Variants in LUC7L2 observed in about 807,000 individuals in gnomAD.
LUC7L2 encodes the protein putative RNA-binding protein Luc7-like 2.
In LUC7L2, 25 loss-of-function variants were observed where a neutral mutation model predicts 52.8. That is an observed-to-expected ratio of 0.47 (90% CI 0.34 to 0.66). The LOEUF (loss-of-function observed/expected upper bound fraction) is 0.66. LUC7L2 is among the 30% of genes least tolerant of loss of function. The pLI is 0.01. For synonymous variants in LUC7L2, 144 were observed against 160.9 expected (o/e 0.89, Z 0.80); for missense variants, 328 against 497.8 (o/e 0.66, Z 3.25).
Position 139,422,415 on chromosome 7 carries a change from G to A in LUC7L2, c.*75G>A. ...CTATTGTTTAGTTCACAGCTGTTCA[G>A]GGTGACAGTGAGCAGATCCAGACAC... is the stretch of plus-strand genomic sequence containing the variant. On this transcript the variant is annotated 3_prime_UTR_variant, in exon 10 of 10. Coordinates refer to ENST00000354926, the MANE Select transcript of LUC7L2 (RefSeq NM_016019.5). The A allele has an allele frequency of 6.6e-7, 1 of 1,520,006 alleles. No homozygotes were observed. Among genetic ancestry groups the A allele is most frequent in the Non-Finnish European group, 8.8e-7 (1 of 1,136,096 alleles). 94.2% of individuals were successfully genotyped at this position (1,520,006 alleles called of 1,614,324 possible). A position where few individuals can be genotyped will look rare whatever the true frequency, so the allele number is the denominator to read the frequency against.
chr7:139,350,145 G>A (rs1014008532), intron 1 of LUC7L2, among the ~76,000 whole-genome samples: 2 of 151,276 alleles, frequency 1.3e-5, no homozygotes, highest in Non-Finnish European at 2.9e-5. Context: ...TTTTTGAGAC[G>A]GAGTCTCGCT....
At chr7:139,359,662 C>T (rs953607023), upstream of LUC7L2, 3 of 397,664 alleles carry the variant, frequency 7.5e-6, no homozygotes, top group South Asian at 1.4e-4. Context: ...GCCCTACAGC[C>T]GGGAGGGAAT....
intron 1 of LUC7L2, among the ~76,000 whole-genome samples, chr7:139,361,647 T>C (rs1162663294): frequency 6.6e-6 from 1 of 152,238 alleles, no homozygotes; most frequent in Non-Finnish European, 1.5e-5. Context: ...GAGTTTTGTA[T>C]GGAAAGTTAA....
chr7:139,377,496 C>T (rs977975368), intron 2 of LUC7L2, among the ~76,000 whole-genome samples: 5 of 152,110 alleles, frequency 3.3e-5, no homozygotes, highest in South Asian at 2.1e-4. Context: ...TGGGTTCAAG[C>T]GATTCTCCTG....
chr7:139,369,256 G>A (rs867922365), intron 1 of LUC7L2, among the ~76,000 whole-genome samples: 1 of 152,176 alleles, frequency 6.6e-6, no homozygotes, highest in African/African-American at 2.4e-5. Flanking sequence ...CTGCAAGTAA[G>A]TATCAAAATA....
intron 1 of LUC7L2, chr7:139,341,394 T>G (rs776320891): frequency 6.2e-7 from 1 of 1,612,950 alleles, no homozygotes; most frequent in Admixed American, 1.7e-5. Flanking sequence ...AATGGCGGCC[T>G]TAGGGTCCCC....
intron 2 of LUC7L2, among the ~76,000 whole-genome samples, chr7:139,393,462 T>C (rs1258750867): frequency 6.6e-6 from 1 of 151,898 alleles, no homozygotes; most frequent in Non-Finnish European, 1.5e-5. Flanking sequence ...TAAATAATCA[T>C]ATATTTTGTG....
At chr7:139,380,031 T>G (rs963339352) in intron 2 of LUC7L2, among the ~76,000 whole-genome samples, 1 of 150,744 alleles carries the variant, frequency 6.6e-6, no homozygotes. Flanking sequence ...TACAAAAAAT[T>G]AGCCGGGCGT....
chr7:139,350,215 G>A (rs896556512), intron 1 of LUC7L2, among the ~76,000 whole-genome samples: 1 of 151,980 alleles, frequency 6.6e-6, no homozygotes, highest in Non-Finnish European at 1.5e-5. Context: ...TCCGCCTCCC[G>A]GGTTCACGCC....
chr7:139,415,028 A>G (rs554358893), intron 8 of LUC7L2, among the ~76,000 whole-genome samples: 1 of 143,154 alleles, frequency 7.0e-6, no homozygotes, highest in African/African-American at 2.5e-5. Context: ...CTAGGATTAT[A>G]GGCACGTGCC....
intron 1 of LUC7L2, among the ~76,000 whole-genome samples, chr7:139,372,805 A>G (rs149323961): frequency 1.2e-3 from 177 of 152,222 alleles, no homozygotes; most frequent in African/African-American, 4.1e-3. Context: ...AAAAAAATTA[A>G]TATGTCCTAT....
chr7:139,411,256 A>T (rs1388012671), intron 7 of LUC7L2, among the ~76,000 whole-genome samples: 3 of 152,064 alleles, frequency 2.0e-5, no homozygotes, highest in African/African-American at 7.2e-5. Context: ...CAGAAACATT[A>T]AAAAAAAGTC....
At chr7:139,413,427 CTA>C (rs1386164432) in intron 8 of LUC7L2, among the ~76,000 whole-genome samples, 3 of 152,118 alleles carry the variant, frequency 2.0e-5, no homozygotes, top group Non-Finnish European at 2.9e-5. Context: ...GTTCTCAGCT[CTA>C]GAGACTATTT....
upstream of LUC7L2, chr7:139,359,858 C>T (rs1012977899): frequency 4.9e-6 from 2 of 410,100 alleles, no homozygotes; most frequent in Non-Finnish European, 8.6e-6. Flanking sequence ...TTGGTGGAGC[C>T]CCCGCGGGAA....
chr7:139,406,593 A>G (rs1490381274), intron 5 of LUC7L2, among the ~76,000 whole-genome samples: 1 of 152,004 alleles, frequency 6.6e-6, no homozygotes, highest in East Asian at 1.9e-4. Flanking sequence ...ACCTGGGGTG[A>G]TCTGTCCACC....
upstream of LUC7L2, chr7:139,359,625 C>T: frequency 2.5e-6 from 1 of 396,878 alleles, no homozygotes; most frequent in Non-Finnish European, 4.4e-6. Flanking sequence ...ATCGCCATCA[C>T]CGCGGGCAGC....
chr7:139,411,760 T>G (rs1795370340), intron 7 of LUC7L2, among the ~76,000 whole-genome samples: 1 of 152,184 alleles, frequency 6.6e-6, no homozygotes, highest in Admixed American at 6.5e-5. Flanking sequence ...AGAAACACAT[T>G]GTAAGATTGA....
intron 1 of LUC7L2, among the ~76,000 whole-genome samples, chr7:139,347,222 G>A (rs549830672): frequency 6.6e-6 from 1 of 152,260 alleles, no homozygotes; most frequent in East Asian, 1.9e-4. Context: ...CTTACACATT[G>A]CATGTATTAA....
upstream of LUC7L2, chr7:139,359,417 CGA>C (rs1302924384): frequency 7.8e-5 from 13 of 166,338 alleles, no homozygotes; most frequent in African/African-American, 2.8e-4. Context: ...CCGGCGGCGG[CGA>C]GACAGGCCTG....
Sources: allele counts gnomAD v4.1 joint callset (sites outside exome capture counted in the v4.1 genomes callset), GRCh38; gene constraint gnomAD v4.1.1; transcripts MANE v1.5; gene names NCBI Gene and HGNC (gene_info 2026-07-23, HGNC 2026-07-21).